Variants in RBMS3 observed in about 807,000 individuals in gnomAD.
The protein encoded by RBMS3 is RNA-binding motif, single-stranded-interacting protein 3.
Under a neutral mutation model 66.8 loss-of-function variants are expected in RBMS3, and 27 were observed. The ratio of observed to expected loss-of-function variants is 0.40; its 90% CI spans 0.30 to 0.56. The LOEUF (loss-of-function observed/expected upper bound fraction) is 0.56. RBMS3 is among the 20% of genes least tolerant of loss of function. The pLI, the probability that RBMS3 is intolerant of heterozygous loss-of-function variation, is 0.40. For missense variants in RBMS3, 513 were observed against 549.5 expected (o/e 0.93, Z 0.66); for synonymous variants, 188 against 183.0 (o/e 1.03, Z -0.22).
At chr3:29,954,772 T>C (rs993537333) in intron 12 of RBMS3, among the ~76,000 whole-genome samples, 3 of 152,010 alleles carry the variant, frequency 2.0e-5, no homozygotes, top group African/African-American at 7.2e-5. Context: ...TCTTATTACA[T>C]TCTAGTTTTA....
rs4680836 is a variant in RBMS3 at position 29,544,138 on chromosome 3, T to C, written c.308-42976T>C. Reference sequence around the variant, plus strand: ...AGAAAACGCTGATCCAATTCTATCTTACATTGTGACTTTAGTATTCCAACT... The same window carrying C: ...AGAAAACGCTGATCCAATTCTATCTCACATTGTGACTTTAGTATTCCAACT... On this transcript the variant is annotated intron_variant, in intron 3 of 14. Transcript: ENST00000383767. Among the ~76,000 whole-genome samples, 642 of 152,286 alleles carry C rather than the reference T, an allele frequency of 4.2e-3. 14 individuals carry two copies. In the East Asian group the frequency reaches 0.064, roughly 15 times the overall value.
At chr3:29,971,323 TCTTA>T (rs1697215409) in intron 12 of RBMS3, among the ~76,000 whole-genome samples, 1 of 152,164 alleles carries the variant, frequency 6.6e-6, no homozygotes, top group South Asian at 2.1e-4. Flanking sequence ...TGATGGAAGA[TCTTA>T]CTTATACATT....
intron 1 of RBMS3, among the ~76,000 whole-genome samples, chr3:29,409,854 A>C (rs2040189477): frequency 6.6e-6 from 1 of 152,206 alleles, no homozygotes; most frequent in Admixed American, 6.5e-5. Flanking sequence ...ACATAATGTA[A>C]TGCTACTTAA....
chr3:29,484,476 G>A (rs958763081), intron 2 of RBMS3, among the ~76,000 whole-genome samples: 1 of 152,042 alleles, frequency 6.6e-6, no homozygotes, highest in African/African-American at 2.4e-5. Context: ...CGGGCCTATC[G>A]TATAACCTTA....
At chr3:29,919,232 C>T (rs1008806852) in intron 10 of RBMS3, among the ~76,000 whole-genome samples, 3 of 151,944 alleles carry the variant, frequency 2.0e-5, no homozygotes, top group Non-Finnish European at 4.4e-5. Context: ...TACTGACTCA[C>T]TAAATGAAAG....
intron 1 of RBMS3, among the ~76,000 whole-genome samples, chr3:29,379,919 G>A (rs1243634599): frequency 6.6e-6 from 1 of 152,022 alleles, no homozygotes; most frequent in Non-Finnish European, 1.5e-5. Context: ...TAATGAGGAA[G>A]ACTTAATTTA....
At chr3:29,338,379 C>T (rs932983841) in intron 1 of RBMS3, among the ~76,000 whole-genome samples, 4 of 152,090 alleles carry the variant, frequency 2.6e-5, no homozygotes, top group Middle Eastern at 3.2e-3. Flanking sequence ...ATTGGTTTGC[C>T]TTCAGCCCAA....
At position 29,773,426 on chromosome 3, in the gene RBMS3, T is replaced by C. The variant is rs1425191936; in HGVS notation, c.637+10437T>C. 2.0e-5 allele frequency among the ~76,000 whole-genome samples: 3 copies of C among 152,088 alleles called. No homozygotes were observed. The East Asian group carries it at 5.8e-4, about 29-fold the overall frequency. On this transcript the variant is annotated intron_variant, in intron 6 of 14. Coordinates refer to ENST00000383767, the MANE Select transcript of RBMS3 (RefSeq NM_001003793.3). ...CAAAGTTATTACACATTCCATATTA[T>C]TCCTATAGCAAGATTGGGAGGCTGT...
intron 6 of RBMS3, among the ~76,000 whole-genome samples, chr3:29,851,894 C>T (rs2058944049): frequency 1.3e-5 from 2 of 152,030 alleles, no homozygotes; most frequent in Non-Finnish European, 2.9e-5. Flanking sequence ...GCAAAAAGAA[C>T]AAAGTGGAGG....
At chr3:29,895,831 T>C (rs1346194229) in intron 8 of RBMS3, among the ~76,000 whole-genome samples, 5 of 151,480 alleles carry the variant, frequency 3.3e-5, no homozygotes, top group African/African-American at 9.7e-5. Flanking sequence ...GGGTGTAATG[T>C]TTTGCTTTCC....
intron 1 of RBMS3, among the ~76,000 whole-genome samples, chr3:29,320,348 G>A (rs2034932474): frequency 6.6e-6 from 1 of 151,956 alleles, no homozygotes; most frequent in African/African-American, 2.4e-5. Flanking sequence ...CCTTTTAAAT[G>A]CTCTAAAGGA....
At chr3:29,930,964 T>C (rs2061105547) in intron 10 of RBMS3, among the ~76,000 whole-genome samples, 1 of 152,134 alleles carries the variant, frequency 6.6e-6, no homozygotes, top group African/African-American at 2.4e-5. Flanking sequence ...CTAACTACTT[T>C]TTGATTAGAA....
chr3:29,503,382 G>A (rs560429735), intron 3 of RBMS3, among the ~76,000 whole-genome samples: 23 of 151,986 alleles, frequency 1.5e-4, no homozygotes, highest in South Asian at 4.2e-4. Flanking sequence ...GAAATGTTAA[G>A]CATCTGTGCT....
chr3:29,354,476 A>G (rs1335275222), intron 1 of RBMS3, among the ~76,000 whole-genome samples: 1 of 152,122 alleles, frequency 6.6e-6, no homozygotes, highest in Non-Finnish European at 1.5e-5. Flanking sequence ...ATTTGCATGC[A>G]TACATACGTG....
Position 30,006,124 on chromosome 3 carries a change from C to CA in RBMS3, c.*2267dup, listed in dbSNP as rs1382826829. 1.3e-5 allele frequency: 2 copies of CA among 151,800 alleles called. No individual in the cohort carries two copies. Among genetic ancestry groups the CA allele is most frequent in the Non-Finnish European group, 2.9e-5 (2 of 67,804 alleles). The allele number at this position is 151,800 out of a possible 1,614,324, so 9.4% of individuals were successfully genotyped here. A position where few individuals can be genotyped will look rare whatever the true frequency, so the allele number is the denominator to read the frequency against. Reference sequence around the variant, plus strand: ...TGAATCAAATAGGTGAAACTCTTTTCAAAAACTAAGTCAGTCACAGGAGCC... The same window carrying CA: ...TGAATCAAATAGGTGAAACTCTTTTCAAAAAACTAAGTCAGTCACAGGAGCC... On this transcript the variant is annotated 3_prime_UTR_variant, in exon 15 of 15. Transcript: ENST00000383767.
intron 1 of RBMS3, among the ~76,000 whole-genome samples, chr3:29,350,147 TA>T (rs11303826): frequency 0.55 from 80,128 of 145,350 alleles, 21,917 homozygotes; most frequent in East Asian, 0.6. Context: ...GCAACAAGAG[TA>T]AAAACTCCAT....
intron 1 of RBMS3, among the ~76,000 whole-genome samples, chr3:29,315,470 A>G (rs2034617593): frequency 6.6e-6 from 1 of 151,808 alleles, no homozygotes; most frequent in African/African-American, 2.4e-5. Context: ...ATTTGTGCAC[A>G]TGTATATACA....
At chr3:29,313,589 C>G (rs1261270425) in intron 1 of RBMS3, among the ~76,000 whole-genome samples, 1 of 151,624 alleles carries the variant, frequency 6.6e-6, no homozygotes, top group African/African-American at 2.4e-5. Context: ...ACGGCTGCCC[C>G]TTAAGTTTTC....
chr3:29,750,850 C>T (rs1049199453), intron 5 of RBMS3, among the ~76,000 whole-genome samples: 1 of 152,048 alleles, frequency 6.6e-6, no homozygotes, highest in Non-Finnish European at 1.5e-5. Flanking sequence ...AGGGGTTTCT[C>T]CTTTATGTCC....
Sources: gnomAD v4.1 joint callset for allele counts (sites outside exome capture counted in the v4.1 genomes callset) on GRCh38, gnomAD v4.1.1 for gene constraint, MANE v1.5 for transcripts, NCBI Gene and HGNC (gene_info 2026-07-23, HGNC 2026-07-21) for gene names.